PTDSS1: variants seen among roughly 807,000 people sequenced by gnomAD.
PTDSS1 encodes the protein phosphatidylserine synthase 1, also known as PSS-1.
PTDSS1 carries 45 observed loss-of-function variants against 70.5 expected under a neutral mutation model. The observed-to-expected ratio is 0.64, with a 90% CI of 0.50 to 0.82. The LOEUF is 0.82. PTDSS1 is among the 40% of genes least tolerant of loss of function. The pLI, the probability that PTDSS1 is intolerant of heterozygous loss-of-function variation, is 0.00. For missense variants in PTDSS1, 417 were observed against 586.1 expected (o/e 0.71, Z 2.98); for synonymous variants, 188 against 203.8 (o/e 0.92, Z 0.66).
At chr8:96,324,385 G>T (rs1412798233) in intron 10 of PTDSS1, among the ~76,000 whole-genome samples, 1 of 152,158 alleles carries the variant, frequency 6.6e-6, no homozygotes, top group African/African-American at 2.4e-5. Context: ...ATTTGTTATA[G>T]TAACCACCCC....
chr8:96,322,110 G>A (rs1431711900), intron 10 of PTDSS1, among the ~76,000 whole-genome samples: 1 of 152,064 alleles, frequency 6.6e-6, no homozygotes, highest in Non-Finnish European at 1.5e-5. Flanking sequence ...GGACTCCCAG[G>A]ACAAGACAGA....
chr8:96,323,752 T>C (rs1301920373), intron 10 of PTDSS1, among the ~76,000 whole-genome samples: 2 of 152,268 alleles, frequency 1.3e-5, no homozygotes, highest in Non-Finnish European at 1.5e-5. Context: ...ATTTTCTTGA[T>C]GAATAGCACC....
In PTDSS1 at chr8:96,301,375, G is replaced by A. The variant is rs528154500; in HGVS notation, c.752+1530G>A. ...ATCTCAAAGTGTTGGGATTACAGGC[G>A]TGAGCCACTGTGCCCAGCCTGTCAT... On this transcript the variant is annotated intron_variant, in intron 6 of 12. Transcript: ENST00000517309. Among the ~76,000 whole-genome samples the A allele has an allele frequency of 6.6e-5, 10 of 152,198 alleles. No individual in the cohort carries two copies. The East Asian group carries it at 1.6e-3, about 24-fold the overall frequency.
intron 2 of PTDSS1, among the ~76,000 whole-genome samples, chr8:96,278,972 C>CCT (rs1554582702): frequency 1.8e-4 from 22 of 122,642 alleles, no homozygotes; most frequent in African/African-American, 5.5e-4. Flanking sequence ...TTCAGCCCCC[C>CCT]TTTTTTTTTT....
chr8:96,299,583 A>G, intron 5 of PTDSS1, 111 bp from the exon 6 acceptor site: 2 of 1,178,634 alleles, frequency 1.7e-6, no homozygotes, highest in Non-Finnish European at 1.2e-6. Flanking sequence ...GAAAAAATGA[A>G]ATGTCAACAA....
In PTDSS1 at chr8:96,307,983, C is replaced by G. The variant is rs192150436; in HGVS notation, c.1007+1427C>G. 9.9e-5 allele frequency among the ~76,000 whole-genome samples: 15 copies of G among 152,154 alleles called. No individual in the cohort carries two copies. The South Asian group carries it at 1.2e-3, about 13-fold the overall frequency. On this transcript the variant is annotated intron_variant, in intron 8 of 12. Transcript: ENST00000517309. ...TTAAAAAATCAGACACTTCCTGTGC[C>G]CTTACACTGTTTGAGGCAGTTCCCA... is the stretch of plus-strand genomic sequence containing the variant.
intron 6 of PTDSS1, among the ~76,000 whole-genome samples, chr8:96,300,590 T>G (rs141302844): frequency 1.3e-5 from 2 of 152,360 alleles, no homozygotes; most frequent in East Asian, 3.9e-4. Context: ...ATCATGCCAT[T>G]GATAAGGAAG....
intron 2 of PTDSS1, among the ~76,000 whole-genome samples, chr8:96,278,972 C>CTTTT (rs36085094): frequency 7.3e-5 from 9 of 122,632 alleles, no homozygotes; most frequent in Non-Finnish European, 8.3e-5. Flanking sequence ...TTCAGCCCCC[C>CTTTT]TTTTTTTTTT....
intron 4 of PTDSS1, among the ~76,000 whole-genome samples, chr8:96,291,824 T>C (rs900891992): frequency 2.0e-5 from 3 of 152,222 alleles, no homozygotes; most frequent in South Asian, 4.1e-4. Context: ...TCAGTTTTTA[T>C]AGTGGGACTG....
chr8:96,278,935 C>G (rs1810689749), intron 2 of PTDSS1, among the ~76,000 whole-genome samples: 2 of 149,928 alleles, frequency 1.3e-5, no homozygotes, highest in South Asian at 4.2e-4. Context: ...TCTTTTTTCC[C>G]TTTTGTTGTC....
chr8:96,296,724 T>C (rs1810981346), intron 5 of PTDSS1, among the ~76,000 whole-genome samples: 1 of 152,224 alleles, frequency 6.6e-6, no homozygotes, highest in South Asian at 2.1e-4. Flanking sequence ...AGGTTCTCAC[T>C]GTACAGGTGG....
At chr8:96,266,018 C>T (rs558960620) in intron 1 of PTDSS1, among the ~76,000 whole-genome samples, 2 of 152,208 alleles carry the variant, frequency 1.3e-5, no homozygotes, top group Non-Finnish European at 2.9e-5. Flanking sequence ...ACTTTTGTCT[C>T]AAGCTCAGAG....
chr8:96,302,016 T>C (rs1179593445), intron 6 of PTDSS1, among the ~76,000 whole-genome samples: 12 of 152,156 alleles, frequency 7.9e-5, no homozygotes, highest in Admixed American at 7.9e-4. Flanking sequence ...TTAATTCTAA[T>C]TTTTATGTAT....
At position 96,305,736 on chromosome 8, in the gene PTDSS1, A is replaced by T. The variant is rs140165453; in HGVS notation, c.895-708A>T. ...ACTCTTGTCACCCAAGTTGGAGTGC[A>T]ATGGCGTGATCTCGGCCCACTGCAA... On this transcript the variant is annotated intron_variant, in intron 7 of 12. Transcript: ENST00000517309. 9.9e-3 allele frequency among the ~76,000 whole-genome samples: 1,506 copies of T among 152,028 alleles called. 32 individuals are homozygous for T. The highest frequency in any genetic ancestry group is 0.035 in the African/African-American group (1,433 of 41,452).
At chr8:96,273,791 A>G (rs1810600954) in intron 2 of PTDSS1, among the ~76,000 whole-genome samples, 2 of 152,232 alleles carry the variant, frequency 1.3e-5, no homozygotes, top group Non-Finnish European at 1.5e-5. Flanking sequence ...TGCTAAGGAC[A>G]GGGTCAATGC....
intron 2 of PTDSS1, among the ~76,000 whole-genome samples, chr8:96,278,242 C>T (rs1810677926): frequency 6.6e-6 from 1 of 152,212 alleles, no homozygotes. Context: ...CAACCAGTTC[C>T]AAGGACAGAA....
chr8:96,318,732 A>G (rs1811330500), intron 9 of PTDSS1, among the ~76,000 whole-genome samples: 1 of 152,136 alleles, frequency 6.6e-6, no homozygotes, highest in Non-Finnish European at 1.5e-5. Flanking sequence ...GACTCTCTAA[A>G]GACAAATTGA....
At chr8:96,290,080 A>G (rs1245571096) in intron 4 of PTDSS1, among the ~76,000 whole-genome samples, 2 of 152,128 alleles carry the variant, frequency 1.3e-5, no homozygotes. Flanking sequence ...ACCATTTTAC[A>G]GGGGAGGAGA....
intron 1 of PTDSS1, among the ~76,000 whole-genome samples, chr8:96,267,295 T>G: frequency 6.6e-6 from 1 of 152,202 alleles, no homozygotes; most frequent in Non-Finnish European, 1.5e-5. Flanking sequence ...TAGTCCTCAT[T>G]GCCTCTAGCC....
Sources: allele counts gnomAD v4.1 joint callset (sites outside exome capture counted in the v4.1 genomes callset), GRCh38; gene constraint gnomAD v4.1.1; transcripts MANE v1.5; gene names NCBI Gene and HGNC (gene_info 2026-07-23, HGNC 2026-07-21).